Variants in GATAD2B observed in about 807,000 individuals in gnomAD.
The protein encoded by GATAD2B is transcriptional repressor p66-beta.
A neutral mutation model predicts 64.3 loss-of-function variants in GATAD2B; 8 were observed. The ratio of observed to expected loss-of-function variants is 0.12; its 90% CI spans 0.07 to 0.22. The LOEUF is 0.22. Among genes scored for constraint, GATAD2B ranks in the 10% least tolerant of loss-of-function variants. GATAD2B has a pLI of 1.00. For synonymous variants in GATAD2B, 281 were observed against 271.3 expected, an observed-to-expected ratio of 1.04 and a Z score of -0.35; for missense variants, 453 against 752.0, an observed-to-expected ratio of 0.60 and a Z score of 4.65.
intron 1 of GATAD2B, among the ~76,000 whole-genome samples, chr1:153,919,287 A>T (rs1678358963): frequency 6.6e-6 from 1 of 152,214 alleles, no homozygotes; most frequent in Non-Finnish European, 1.5e-5. Flanking sequence ...ATTTTGTGAG[A>T]GACAGCAAAC....
chr1:153,855,467 G>A (rs1676050999), intron 1 of GATAD2B, among the ~76,000 whole-genome samples: 1 of 152,046 alleles, frequency 6.6e-6, no homozygotes, highest in Non-Finnish European at 1.5e-5. Context: ...GACCTCTAGT[G>A]ATCCACCCAC....
At chr1:153,889,639 G>A in intron 1 of GATAD2B, 2 of 711,226 alleles carry the variant, frequency 2.8e-6, no homozygotes, top group Non-Finnish European at 1.7e-6. Flanking sequence ...CAAGAGGAAA[G>A]TTGTAGATGC....
rs140403686 is a variant in GATAD2B at position 153,910,639 on chromosome 1, C to T, written c.-2+12094G>A. The stretch of plus-strand genomic sequence containing the variant: ...CCTGTAATTCCAGCTACTCAGGAGG[C>T]TGAGGCAGAAGAATCACTTGAACCC... On this transcript the variant is annotated intron_variant, in intron 1 of 10. Transcript: ENST00000368655. Among the ~76,000 whole-genome samples the T allele has an allele frequency of 2.0e-3, 301 of 152,148 alleles. 2 individuals carry two copies. The highest frequency in any genetic ancestry group is 6.9e-3 in the African/African-American group (285 of 41,516).
At chr1:153,886,038 G>A (rs1304566114) in intron 1 of GATAD2B, among the ~76,000 whole-genome samples, 1 of 152,114 alleles carries the variant, frequency 6.6e-6, no homozygotes, top group African/African-American at 2.4e-5. Context: ...ATGCTTAAAG[G>A]TACTCCTACA....
chr1:153,854,057 A>G (rs990579315), intron 1 of GATAD2B, among the ~76,000 whole-genome samples: 2 of 151,914 alleles, frequency 1.3e-5, no homozygotes, highest in East Asian at 3.9e-4. Flanking sequence ...TTATATAGAG[A>G]TTTGCATTTC....
chr1:153,876,110 C>T (rs749800067), intron 1 of GATAD2B, among the ~76,000 whole-genome samples: 30 of 151,804 alleles, frequency 2.0e-4, no homozygotes, highest in Non-Finnish European at 3.5e-4. Flanking sequence ...TGCCTGTAGT[C>T]CCAGCTACTC....
chr1:153,889,413 C>CAAAAAAAAAAA (rs71093299), intron 1 of GATAD2B, among the ~76,000 whole-genome samples: 2 of 67,886 alleles, frequency 2.9e-5, no homozygotes, highest in South Asian at 6.3e-4. Flanking sequence ...ACCCCGTCTC[C>CAAAAAAAAAAA]AAAAAAAAAA....
At chr1:153,852,148 A>T (rs1352455530) in intron 1 of GATAD2B, 1 of 716,768 alleles carries the variant, frequency 1.4e-6, no homozygotes, top group East Asian at 2.6e-5. Flanking sequence ...GCTCTTGTCC[A>T]TCTCTGCACT....
In GATAD2B at chr1:153,809,055, G is replaced by A. The variant is rs1269287828; in HGVS notation, c.*1122C>T. The A allele has an allele frequency of 6.6e-6, 1 of 152,182 alleles. No homozygotes were observed. Among genetic ancestry groups the A allele is most frequent in the African/African-American group, 2.4e-5 (1 of 41,440 alleles). 9.4% of individuals were successfully genotyped at this position (152,182 alleles called of 1,614,324 possible). ...AATATGCGAATCTCAACTGTTGGAAGAGAAATCCTTTCTTTCGTCTAAGTC... is the reference window on the plus strand; with the variant it reads ...AATATGCGAATCTCAACTGTTGGAAAAGAAATCCTTTCTTTCGTCTAAGTC... On this transcript the variant is annotated 3_prime_UTR_variant, in exon 11 of 11. Transcript: ENST00000368655.
chr1:153,815,090 A>AAAAAAC (rs1674412015), intron 7 of GATAD2B, among the ~76,000 whole-genome samples: 1 of 127,786 alleles, frequency 7.8e-6, no homozygotes, highest in Non-Finnish European at 1.7e-5. Context: ...TCAAAAAAAA[A>AAAAAAC]AAAAAAAAAA....
chr1:153,878,988 A>G (rs1245532103), intron 1 of GATAD2B, among the ~76,000 whole-genome samples: 4 of 150,762 alleles, frequency 2.7e-5, no homozygotes, highest in Non-Finnish European at 5.9e-5. Context: ...GCCCAGGCTG[A>G]AAGTGCAGTG....
chr1:153,860,677 G>T (rs11583152), intron 1 of GATAD2B, among the ~76,000 whole-genome samples: 1 of 151,320 alleles, frequency 6.6e-6, no homozygotes, highest in African/African-American at 2.4e-5. Context: ...AATTATTTTT[G>T]AGAGACAGGG....
At chr1:153,840,494 C>T (rs1463029613) in intron 1 of GATAD2B, among the ~76,000 whole-genome samples, 7 of 151,888 alleles carry the variant, frequency 4.6e-5, no homozygotes, top group East Asian at 1.9e-4. Context: ...TGCGCCACCA[C>T]GCCTAGCTAA....
chr1:153,901,952 G>C (rs757813096), intron 1 of GATAD2B, among the ~76,000 whole-genome samples: 8 of 145,674 alleles, frequency 5.5e-5, no homozygotes, highest in Non-Finnish European at 8.9e-5. Context: ...ATCAGGAGGA[G>C]AGCAGGGGCC....
At chr1:153,813,804 C>T (rs1396880834) in intron 7 of GATAD2B, among the ~76,000 whole-genome samples, 1 of 152,076 alleles carries the variant, frequency 6.6e-6, no homozygotes, top group African/African-American at 2.4e-5. Context: ...AGTGAAAACC[C>T]GTCTTTACTA....
chr1:153,881,935 C>T (rs533823769), intron 1 of GATAD2B, among the ~76,000 whole-genome samples: 6 of 152,144 alleles, frequency 3.9e-5, no homozygotes, highest in South Asian at 2.1e-4. Flanking sequence ...CCTGCACAAA[C>T]CCGGTCTCCA....
At chr1:153,859,529 G>A (rs541969749) in intron 1 of GATAD2B, among the ~76,000 whole-genome samples, 1 of 151,996 alleles carries the variant, frequency 6.6e-6, no homozygotes, top group South Asian at 2.1e-4. Flanking sequence ...AATTAGCCAG[G>A]TGTAGTGGCA....
chr1:153,840,780 G>A (rs1557796793), intron 1 of GATAD2B, among the ~76,000 whole-genome samples: 1 of 152,136 alleles, frequency 6.6e-6, no homozygotes, highest in Non-Finnish European at 1.5e-5. Context: ...AATGGTCACA[G>A]AGAATTTTAC....
intron 2 of GATAD2B, among the ~76,000 whole-genome samples, chr1:153,826,858 T>C (rs1390879340): frequency 6.6e-6 from 1 of 151,470 alleles, no homozygotes. Flanking sequence ...CGAAGATAAC[T>C]TGAGCCCAGG....
Sources: allele counts gnomAD v4.1 joint callset (sites outside exome capture counted in the v4.1 genomes callset), GRCh38; gene constraint gnomAD v4.1.1; transcripts MANE v1.5; gene names NCBI Gene and HGNC (gene_info 2026-07-23, HGNC 2026-07-21).